Variants in INPP5B observed in about 807,000 individuals in gnomAD.
The protein encoded by INPP5B is inositol polyphosphate-5-phosphatase B.
Under a neutral mutation model 118.5 loss-of-function variants are expected in INPP5B, and 90 were observed. The ratio of observed to expected loss-of-function variants is 0.76; its 90% confidence interval spans 0.64 to 0.90. The LOEUF (loss-of-function observed/expected upper bound fraction) is 0.90, where lower values mean the gene tolerates loss of function less well. Among genes scored for constraint, INPP5B ranks in the 40% least tolerant of loss-of-function variants. The pLI is 0.00. For missense variants in INPP5B, 984 were observed against 1,125.6 expected, an observed-to-expected ratio of 0.87 and a Z score of 1.80; for synonymous variants, 385 against 418.9, an observed-to-expected ratio of 0.92 and a Z score of 0.99.
intron 9 of INPP5B, among the ~76,000 whole-genome samples, chr1:37,889,278 C>A (rs926632174): frequency 6.6e-6 from 1 of 152,092 alleles, no homozygotes; most frequent in Non-Finnish European, 1.5e-5. Context: ...CAGGATGGCG[C>A]TCCTTCTTCT....
intron 19 of INPP5B, 125 bp from the exon 20 acceptor site, chr1:37,868,739 A>G (rs1043201680): frequency 1.5e-6 from 1 of 683,424 alleles, no homozygotes; most frequent in Non-Finnish European, 2.7e-6. Flanking sequence ...CGCATTCCAC[A>G]GACAGAAATG....
At chr1:37,946,440 G>A (rs1570438716) in intron 1 of INPP5B, 106 bp from the exon 2 acceptor site, 1 of 746,870 alleles carries the variant, frequency 1.3e-6, no homozygotes, top group Non-Finnish European at 2.2e-6. Flanking sequence ...CTTTGCAGAG[G>A]GAGATGGTAC....
intron 17 of INPP5B, among the ~76,000 whole-genome samples, chr1:37,875,200 T>A (rs1391576408): frequency 1.3e-5 from 2 of 152,222 alleles, no homozygotes; most frequent in African/African-American, 4.8e-5. Flanking sequence ...CATAGTGCTA[T>A]AGGTGCCTCC....
At chr1:37,929,109 A>G (rs2148657039) in intron 7 of INPP5B, 1 of 152,184 alleles carries the variant, frequency 6.6e-6, no homozygotes, top group South Asian at 2.1e-4. Flanking sequence ...AGGTATTACG[A>G]TAAGATAAAA....
At chr1:37,933,722 T>TAAAA (rs2148669752) in intron 6 of INPP5B, among the ~76,000 whole-genome samples, 1 of 20,938 alleles carries the variant, frequency 4.8e-5, no homozygotes, top group East Asian at 8.1e-4. Context: ...TCTGTCTCAA[T>TAAAA]AAATAAATAA....
chr1:37,946,002 G>A, intron 2 of INPP5B, 152 bp from the exon 3 acceptor site: 1 of 722,714 alleles, frequency 1.4e-6, no homozygotes, highest in South Asian at 1.8e-5. Flanking sequence ...AGACAAACAG[G>A]CTCTCTAAGC....
intron 7 of INPP5B, among the ~76,000 whole-genome samples, chr1:37,911,678 T>G (rs1644704075): frequency 6.6e-6 from 1 of 152,194 alleles, no homozygotes; most frequent in Non-Finnish European, 1.5e-5. Flanking sequence ...AAATATGCCT[T>G]CCATATCCTG....
chr1:37,891,688 C>T (rs957262348), intron 7 of INPP5B, among the ~76,000 whole-genome samples: 3 of 152,132 alleles, frequency 2.0e-5, no homozygotes, highest in African/African-American at 4.8e-5. Context: ...GCAGGAGAAT[C>T]GCTTGAACCC....
chr1:37,886,468 G>C (rs1169124882), intron 12 of INPP5B, among the ~76,000 whole-genome samples: 2 of 152,100 alleles, frequency 1.3e-5, no homozygotes, highest in Non-Finnish European at 2.9e-5. Flanking sequence ...CTAAATCACA[G>C]GCAAACCATA....
chr1:37,931,803 C>G, intron 7 of INPP5B, 110 bp downstream of exon 7: 1 of 1,607,652 alleles, frequency 6.2e-7, no homozygotes. Context: ...CCCGCTCCAT[C>G]AATCGAAAGC....
rs377183227 is a variant in INPP5B, at chr1:37,863,689, GCACA to G, written c.2626+619_2626+622del. On this transcript the variant is annotated intron_variant, in intron 23 of 23. Transcript: ENST00000373024. ...GGGTGACAGAGTGAGACTTTCTCAA[GCACA>G]CACACACACACACATGCACACACAA... Among the ~76,000 whole-genome samples the G allele has an allele frequency of 2.0e-4, 29 of 148,448 alleles. 1 individual carries two copies. Among genetic ancestry groups the G allele is most frequent in the South Asian group, 8.4e-4 (4 of 4,736 alleles).
chr1:37,939,735 G>A (rs905762549), intron 6 of INPP5B, among the ~76,000 whole-genome samples: 4 of 151,692 alleles, frequency 2.6e-5, no homozygotes, highest in Non-Finnish European at 4.4e-5. Context: ...GAGCCACCGC[G>A]CCCGGCCTGT....
chr1:37,931,766 G>T, intron 7 of INPP5B, 147 bp downstream of exon 7: 1 of 1,602,988 alleles, frequency 6.2e-7, no homozygotes. Context: ...CGCGCGCTCC[G>T]CCCCCAGACG....
intron 15 of INPP5B, among the ~76,000 whole-genome samples, chr1:37,878,727 G>T (rs1159682764): frequency 6.6e-6 from 1 of 151,740 alleles, no homozygotes; most frequent in African/African-American, 2.4e-5. Flanking sequence ...TCAGCTCACT[G>T]CAACCTCCAC....
intron 7 of INPP5B, among the ~76,000 whole-genome samples, chr1:37,896,449 C>CCACCCCGTCCGGGAGGGAGG (rs1644073322): frequency 6.6e-6 from 1 of 151,050 alleles, no homozygotes; most frequent in African/African-American, 2.4e-5. Flanking sequence ...GCCCGGCCAG[C>CCACCCCGTCCGGGAGGGAGG]TGCCCCGTCC....
chr1:37,900,134 T>G (rs922905921), intron 7 of INPP5B, among the ~76,000 whole-genome samples: 31 of 147,624 alleles, frequency 2.1e-4, no homozygotes, highest in Non-Finnish European at 3.7e-4. Flanking sequence ...CAGGCTAGAG[T>G]GCAGTGGGGC....
chr1:37,941,585 G>A (rs1379785551), intron 5 of INPP5B, among the ~76,000 whole-genome samples: 1 of 151,688 alleles, frequency 6.6e-6, no homozygotes, highest in Non-Finnish European at 1.5e-5. Context: ...AGGCTGAAGT[G>A]AGCCATATTT....
At chr1:37,872,403 C>T (rs1569997178) in intron 19 of INPP5B, among the ~76,000 whole-genome samples, 1 of 146,428 alleles carries the variant, frequency 6.8e-6, no homozygotes, top group East Asian at 2.0e-4. Context: ...TGGAGTCTTT[C>T]TCCACTTGTA....
At chr1:37,906,804 G>A (rs1236102897) in intron 7 of INPP5B, among the ~76,000 whole-genome samples, 2 of 150,406 alleles carry the variant, frequency 1.3e-5, no homozygotes, top group Admixed American at 6.7e-5. Flanking sequence ...AGGTTGCAAT[G>A]AGCCGAGATT....
Sources: allele counts gnomAD v4.1 joint callset (sites outside exome capture counted in the v4.1 genomes callset), GRCh38; gene constraint gnomAD v4.1.1; transcripts MANE v1.5; gene names NCBI Gene and HGNC (gene_info 2026-07-23, HGNC 2026-07-21).